The following ABL2 variants were observed in gnomAD, a reference collection of about 807,000 sequenced individuals.
ABL2 encodes the protein tyrosine-protein kinase ABL2.
ABL2 carries 49 observed loss-of-function variants against 107.7 expected under a neutral mutation model. That is an observed-to-expected ratio of 0.45 (90% CI 0.36 to 0.58). The LOEUF is 0.58. Among genes scored for constraint, ABL2 ranks in the 20% least tolerant of loss-of-function variants. ABL2 has a pLI of 0.00. For synonymous variants in ABL2, 549 were observed against 548.6 expected (o/e 1.00, Z -0.01); for missense variants, 1,245 against 1,457.0 (o/e 0.85, Z 2.37).
chr1:179,143,080 G>A, intron 1 of ABL2: 1 of 1,606,598 alleles, frequency 6.2e-7, no homozygotes, highest in Non-Finnish European at 8.5e-7. Context: ...AAACTGTTCT[G>A]TGTAAAGAGG....
In ABL2 at chr1:179,201,564, A is replaced by T. The variant is rs140519757; in HGVS notation, c.157+27677T>A. The T allele has an allele frequency of 5.3e-4, 185 of 352,344 alleles. 1 individual carries two copies. The East Asian group carries it at 8.0e-3, about 15-fold the overall frequency. 21.8% of individuals were successfully genotyped at this position (352,344 alleles called of 1,614,324 possible). ...GTAGCAACCTGGAACAGAATCTGGC[A>T]TGCCTAAGGCATTTGGGGAACAGGG... On this transcript the variant is annotated intron_variant, in intron 1 of 11. Coordinates refer to ENST00000502732, the MANE Select transcript of ABL2 (RefSeq NM_007314.4).
intron 8 of ABL2, 102 bp from the exon 9 acceptor site, chr1:179,115,132 T>G: frequency 9.2e-7 from 1 of 1,090,856 alleles, no homozygotes; most frequent in Non-Finnish European, 1.3e-6. Context: ...ATTCACACAC[T>G]GTTACAACAA....
chr1:179,118,768 A>C lies in ABL2; in HGVS notation c.1046-4T>G. 6 of 1,613,236 alleles carry C rather than the reference A, an allele frequency of 3.7e-6. No individual in the cohort carries two copies. Among genetic ancestry groups the C allele is most frequent in the Non-Finnish European group, 4.2e-6 (5 of 1,179,572 alleles). On this transcript the variant is annotated splice_polypyrimidine_tract_variant and splice_region_variant and intron_variant, in intron 6 of 11. Transcript: ENST00000502732. The stretch of plus-strand genomic sequence containing the variant: ...GGTGGCTCCAAAGTACACACACCTA[A>C]AAGTTGAACAATAGTGCTTGTTTTT...
intron 3 of ABL2, among the ~76,000 whole-genome samples, chr1:179,129,605 C>G (rs1656078980): frequency 6.6e-6 from 1 of 151,762 alleles, no homozygotes; most frequent in African/African-American, 2.4e-5. Flanking sequence ...TCGCTTGAAC[C>G]CAGGAGGCAC....
chr1:179,108,931 G>A lies in ABL2; in HGVS notation c.2336C>T (p.Pro779Leu). The change falls in exon 12 of 12, where the codon CCA (proline) becomes CTA (leucine). Residue 779 changes from proline to leucine, a missense_variant. Coordinates refer to ENST00000502732, the MANE Select transcript of ABL2 (RefSeq NM_007314.4). Reference sequence around the variant, plus strand: ...CATGGAAGATGTAGAGTTTGACCTTGGAAAAGGCTTGGAAGTGTCATCACT... The same window carrying A: ...CATGGAAGATGTAGAGTTTGACCTTAGAAAAGGCTTGGAAGTGTCATCACT... Reference protein sequence around the residue: ...TASDDTSKPFPRSNSTSSMSS... With the variant: ...TASDDTSKPFLRSNSTSSMSS... 6.2e-7 allele frequency: 1 copy of A among 1,614,156 alleles called. No homozygotes were observed. Among genetic ancestry groups the A allele is most frequent in the Non-Finnish European group, 8.5e-7 (1 of 1,180,028 alleles).
At chr1:179,155,197 G>C (rs935126549) in intron 1 of ABL2, among the ~76,000 whole-genome samples, 2 of 152,142 alleles carry the variant, frequency 1.3e-5, no homozygotes, top group African/African-American at 4.8e-5. Flanking sequence ...TTATCTTCTG[G>C]TGAAGACTTT....
chr1:179,119,741 CTCTT>C (rs982907123), intron 6 of ABL2, among the ~76,000 whole-genome samples: 3 of 152,074 alleles, frequency 2.0e-5, no homozygotes, highest in African/African-American at 7.2e-5. Context: ...TGTTTAATGT[CTCTT>C]TATTTTGCAA....
intron 1 of ABL2, among the ~76,000 whole-genome samples, chr1:179,220,469 G>A (rs930597240): frequency 3.3e-5 from 5 of 152,300 alleles, no homozygotes; most frequent in Admixed American, 6.5e-5. Flanking sequence ...GGTATGTGCC[G>A]CACAGGACAG....
intron 1 of ABL2, among the ~76,000 whole-genome samples, chr1:179,226,310 CTTTTT>C (rs745831850): frequency 1.1e-4 from 15 of 131,002 alleles, no homozygotes; most frequent in South Asian, 7.4e-4. Context: ...ATTATCCCTA[CTTTTT>C]TTTTTTTTTT....
rs752465884 is a variant in ABL2 at position 179,102,341 on chromosome 1, C to G, written c.*5377G>C. ...TTCTTTAAGTCTAGTAGTTGGAAAA[C>G]CAGAACTCTATCCAAATGATATAGA... is the stretch of plus-strand genomic sequence containing the variant. On this transcript the variant is annotated 3_prime_UTR_variant, in exon 12 of 12. Coordinates refer to ENST00000502732, the MANE Select transcript of ABL2 (RefSeq NM_007314.4). The G allele has an allele frequency of 5.0e-6, 1 of 198,776 alleles. No homozygotes were observed. Among genetic ancestry groups the G allele is most frequent in the African/African-American group, 2.3e-5 (1 of 43,386 alleles). 12.3% of individuals were successfully genotyped at this position (198,776 alleles called of 1,614,324 possible). A position where few individuals can be genotyped will look rare whatever the true frequency, so the allele number is the denominator to read the frequency against.
In ABL2 at chr1:179,126,525, C is replaced by A; in HGVS notation, c.539G>T (p.Arg180Leu). The A allele has an allele frequency of 6.2e-7, 1 of 1,614,164 alleles. No homozygotes were observed. Among genetic ancestry groups the A allele is most frequent in the Non-Finnish European group, 8.5e-7 (1 of 1,180,034 alleles). Residue 180 changes from arginine (R) to leucine (L), a missense_variant, in exon 4 of 12, where the codon CGC (arginine) becomes CTC (leucine). Coordinates refer to ENST00000502732, the MANE Select transcript of ABL2 (RefSeq NM_007314.4). This position sits in a 1 kb window ranked among gnomAD's most constrained non-coding sequence, Gnocchi z 4.4. ...GCTGAGCAGATACTCAGCTGCACTG[C>A]GTGACACAGGTCCATGGTACCAGGA... ...KHSWYHGPVS[R>L]SAAEYLLSSL...
In ABL2 at chr1:179,126,258, G is replaced by T; in HGVS notation, c.687+119C>A. Reference sequence around the variant, plus strand: ...ATGCCAAAAAGCCCAAACTCACAAAGCTAGTGAATATTTTATTTCACGTCA... The same window carrying T: ...ATGCCAAAAAGCCCAAACTCACAAATCTAGTGAATATTTTATTTCACGTCA... On this transcript the variant is annotated intron_variant, in intron 4 of 11. Coordinates refer to ENST00000502732, the MANE Select transcript of ABL2 (RefSeq NM_007314.4). The surrounding 1 kb of genome is among the most constrained non-coding windows in gnomAD (Gnocchi z 4.4). 1 of 1,206,412 alleles carries T rather than the reference G, an allele frequency of 8.3e-7. No homozygotes were observed. Among genetic ancestry groups the T allele is most frequent in the Non-Finnish European group, 1.1e-6 (1 of 869,614 alleles). 74.7% of individuals were successfully genotyped at this position (1,206,412 alleles called of 1,614,324 possible). A position where few individuals can be genotyped will look rare whatever the true frequency, so the allele number is the denominator to read the frequency against.
rs889710293 is a variant in ABL2 at position 179,114,826 on chromosome 1, T to C, written c.1561+52A>G. The C allele has an allele frequency of 9.1e-6, 14 of 1,538,650 alleles. No individual in the cohort carries two copies. The African/African-American group carries it at 1.9e-4, about 21-fold the overall frequency. ...GAAATGTTTCTAATTTTGTTAACTA[T>C]TCTGAACTGCTAGCTTATGCCTTCA... On this transcript the variant is annotated intron_variant, in intron 9 of 11. Transcript: ENST00000502732.
At chr1:179,216,528 T>C (rs1662571710) in intron 1 of ABL2, among the ~76,000 whole-genome samples, 1 of 152,128 alleles carries the variant, frequency 6.6e-6, no homozygotes, top group Non-Finnish European at 1.5e-5. Flanking sequence ...AAATTGTATC[T>C]AAAAATTCTC....
chr1:179,183,149 T>C (rs982816324), intron 1 of ABL2, among the ~76,000 whole-genome samples: 1 of 152,014 alleles, frequency 6.6e-6, no homozygotes, highest in African/African-American at 2.4e-5. Flanking sequence ...AATAGAGAAC[T>C]GCATGTTCTC....
At chr1:179,217,017 C>A (rs1302098617) in intron 1 of ABL2, among the ~76,000 whole-genome samples, 1 of 151,820 alleles carries the variant, frequency 6.6e-6, no homozygotes, top group Non-Finnish European at 1.5e-5. Flanking sequence ...GATTGGAGGC[C>A]AGGCGTGGGA....
At chr1:179,167,350 G>A (rs1659446717) in intron 1 of ABL2, among the ~76,000 whole-genome samples, 1 of 152,216 alleles carries the variant, frequency 6.6e-6, no homozygotes. Flanking sequence ...TTATGTGACA[G>A]TTGATCTCAT....
intron 6 of ABL2, among the ~76,000 whole-genome samples, chr1:179,119,666 T>C (rs532683076): frequency 2.0e-5 from 3 of 152,256 alleles, no homozygotes; most frequent in Admixed American, 6.5e-5. Flanking sequence ...AAGCATTTCC[T>C]GCTTGTAAAG....
intron 1 of ABL2, among the ~76,000 whole-genome samples, chr1:179,170,163 T>C (rs1056851791): frequency 7.9e-5 from 12 of 152,188 alleles, no homozygotes; most frequent in African/African-American, 2.7e-4. Context: ...TGAGAAAGCA[T>C]ACTCAACAGT....
Sources: allele counts gnomAD v4.1 joint callset (sites outside exome capture counted in the v4.1 genomes callset), GRCh38; gene constraint gnomAD v4.1.1; non-coding constraint Gnocchi (gnomAD v3.1); transcripts MANE v1.5; gene names NCBI Gene and HGNC (gene_info 2026-07-23, HGNC 2026-07-21).